ESPNL: variants seen among roughly 807,000 people sequenced by gnomAD.
ESPNL encodes the protein espin-like protein.
In ESPNL, 49 loss-of-function variants were observed where a neutral mutation model predicts 46.8. That is an observed-to-expected ratio of 1.05 (90% confidence interval 0.83 to 1.33). ESPNL has a LOEUF of 1.33. ESPNL is among the 40% of genes most tolerant of loss of function. The pLI is 0.00. For missense variants in ESPNL, 1,540 were observed against 1,436.6 expected (o/e 1.07, Z -1.16); for synonymous variants, 664 against 662.1 (o/e 1.00, Z -0.04).
intron 8 of ESPNL, among the ~76,000 whole-genome samples, chr2:238,129,792 C>T (rs1692240937): frequency 6.6e-6 from 1 of 152,280 alleles, no homozygotes; most frequent in South Asian, 2.1e-4. Flanking sequence ...CACCAGCCAC[C>T]TGTCGTTTCT....
At chr2:238,109,642 C>A (rs764089850) in intron 4 of ESPNL, among the ~76,000 whole-genome samples, 1 of 152,254 alleles carries the variant, frequency 6.6e-6, no homozygotes. Context: ...CAGGTGTGAG[C>A]CACTATGCCC....
In ESPNL at chr2:238,129,037, C is replaced by T. The variant is rs1048848546; in HGVS notation, c.1413+133C>T. On this transcript the variant is annotated intron_variant, in intron 8 of 8. Transcript: ENST00000343063. ...GGGCCCCTCTCCTCTGTGGCCTCAG[C>T]TGCTGCTTCCGCCGGAGGATGAAGT... 4 of 1,433,450 alleles carry T rather than the reference C, an allele frequency of 2.8e-6. No homozygotes were observed. The African/African-American group carries it at 5.7e-5, about 21-fold the overall frequency. The allele number at this position is 1,433,450 out of a possible 1,614,324, so 88.8% of individuals were successfully genotyped here.
chr2:238,116,099 C>T (rs1181234378), intron 4 of ESPNL, among the ~76,000 whole-genome samples: 1 of 152,240 alleles, frequency 6.6e-6, no homozygotes, highest in African/African-American at 2.4e-5. Context: ...TCGCCTAACT[C>T]GAGTTCGTTT....
rs1692200722 is a variant in ESPNL at position 238,128,733 on chromosome 2, C to T, written c.1242C>T (p.Asp414=). 1.9e-6 allele frequency: 3 copies of T among 1,601,944 alleles called. No homozygotes were observed. Among genetic ancestry groups the T allele is most frequent in the Admixed American group, 1.7e-5 (1 of 58,818 alleles). The change falls in exon 8 of 9, where the codon GAC becomes GAT. Residue 414 remains aspartate (D), a synonymous_variant. Transcript: ENST00000343063. ...GGACAGAGACGGCGCTGGCGGGGGACACCTCAGATGGCCTGGCCGCACTAC... is the reference window on the plus strand; with the variant it reads ...GGACAGAGACGGCGCTGGCGGGGGATACCTCAGATGGCCTGGCCGCACTAC... ...PEGTETALAG[D]TSDGLAALQL...
At position 238,111,041 on chromosome 2, in the gene ESPNL, C is replaced by G. The variant is rs192167080; in HGVS notation, c.855+3068C>G. ...GATCTCTGCTCACTGCAACCTCTGC[C>G]TCAGCCTCCTGAGTAGCTGGGATTA... On this transcript the variant is annotated intron_variant, in intron 4 of 8. Coordinates refer to ENST00000343063, the MANE Select transcript of ESPNL (RefSeq NM_194312.4). 3.3e-3 allele frequency among the ~76,000 whole-genome samples: 486 copies of G among 145,652 alleles called. 2 individuals carry two copies. The highest frequency in any genetic ancestry group is 0.011 in the African/African-American group (459 of 40,248).
intron 1 of ESPNL, among the ~76,000 whole-genome samples, chr2:238,101,652 G>A (rs1691480982): frequency 6.6e-6 from 1 of 152,208 alleles, no homozygotes; most frequent in Non-Finnish European, 1.5e-5. Context: ...GCACCCGACT[G>A]CGTGGGAAAG....
intron 3 of ESPNL, among the ~76,000 whole-genome samples, chr2:238,107,104 G>A (rs56364208): frequency 0.22 from 33,504 of 152,200 alleles, 4,647 homozygotes; most frequent in Non-Finnish European, 0.3. Context: ...AAGGCAGGCT[G>A]TCCTAGGAGA....
intron 3 of ESPNL, 106 bp from the exon 4 acceptor site, chr2:238,107,685 C>G (rs914678658): frequency 3.4e-6 from 4 of 1,173,222 alleles, no homozygotes; most frequent in African/African-American, 3.1e-5. Flanking sequence ...CCCTGTGCCC[C>G]GAGAGGTACA....
intron 1 of ESPNL, 22 bp downstream of exon 1, chr2:238,100,735 T>G: frequency 7.1e-7 from 1 of 1,404,542 alleles, no homozygotes; most frequent in Non-Finnish European, 9.2e-7. Flanking sequence ...TGGGGCAGCC[T>G]GGCTCCACGA....
chr2:238,111,316 C>T (rs537698716), intron 4 of ESPNL, among the ~76,000 whole-genome samples: 1 of 152,288 alleles, frequency 6.6e-6, no homozygotes, highest in Non-Finnish European at 1.5e-5. Flanking sequence ...AATTTACCAT[C>T]TTAGCCATTT....
chr2:238,130,820 GC>G lies in ESPNL; in HGVS notation c.2109del (p.Arg704GlyfsTer63). The G allele has an allele frequency of 6.5e-7, 1 of 1,545,708 alleles. No individual in the cohort carries two copies. Among genetic ancestry groups the G allele is most frequent in the Non-Finnish European group, 8.7e-7 (1 of 1,148,846 alleles). On this transcript the variant is annotated frameshift_variant, in exon 9 of 9. Transcript: ENST00000343063. LOFTEE classifies it low-confidence loss of function (END_TRUNC). ...CCCGCAGTGGCCTGGCTTCAGGGGA[GC>G]CCAGGCCTGGCGACACAGAGGAGGC... ...KPRSGLASGEPRPGDTEEASD... is the reference protein window; with the variant it reads ...KPRSGLASGEXRPGDTEEASD...
chr2:238,115,040 C>A (rs1382826368), intron 4 of ESPNL, among the ~76,000 whole-genome samples: 2 of 152,116 alleles, frequency 1.3e-5, no homozygotes, highest in African/African-American at 4.8e-5. Flanking sequence ...GCGGTTCTGG[C>A]GCTGGTCTTG....
chr2:238,129,058 G>A, intron 8 of ESPNL, 154 bp downstream of exon 8: 1 of 1,431,594 alleles, frequency 7.0e-7, no homozygotes, highest in South Asian at 1.5e-5. Flanking sequence ...GCCGGAGGAT[G>A]AAGTGAACCT....
intron 4 of ESPNL, among the ~76,000 whole-genome samples, chr2:238,110,055 C>T (rs1204226499): frequency 2.6e-5 from 4 of 151,146 alleles, no homozygotes; most frequent in Non-Finnish European, 5.9e-5. Flanking sequence ...CCCAGGATCC[C>T]ATTTAGGATG....
chr2:238,121,688 G>A (rs112655997), intron 5 of ESPNL, among the ~76,000 whole-genome samples: 4,580 of 152,336 alleles, frequency 0.03, 86 homozygotes, highest in Non-Finnish European at 0.044. Flanking sequence ...ATGATCCACC[G>A]TACCCGGCCC....
intron 5 of ESPNL, among the ~76,000 whole-genome samples, chr2:238,118,540 ATGGATGGAAGAGG>A (rs1241224632): frequency 9.6e-6 from 1 of 104,694 alleles, no homozygotes; most frequent in African/African-American, 4.1e-5. Context: ...TGGAGGAGGA[ATGGATGGAAGAGG>A]TGGATGGAGG....
intron 4 of ESPNL, among the ~76,000 whole-genome samples, chr2:238,111,478 T>C (rs1319442204): frequency 6.6e-6 from 1 of 152,208 alleles, no homozygotes; most frequent in African/African-American, 2.4e-5. Context: ...AGCAACATCC[T>C]ACTTTCTGTT....
chr2:238,117,040 G>T lies in ESPNL; in HGVS notation c.987+6G>T, dbSNP rs763590106. ...TGCGGGAGGTGGCCCAGCCGGTAAG[G>T]CTCAGGGTCCCCAGCTGCCCTGGAG... On this transcript the variant is annotated splice_donor_region_variant and intron_variant, in intron 5 of 8. Transcript: ENST00000343063. 6.2e-7 allele frequency: 1 copy of T among 1,606,526 alleles called. No homozygotes were observed. Among genetic ancestry groups the T allele is most frequent in the Non-Finnish European group, 8.5e-7 (1 of 1,177,214 alleles).
At chr2:238,106,681 T>G (rs1482085852) in intron 3 of ESPNL, among the ~76,000 whole-genome samples, 1 of 152,230 alleles carries the variant, frequency 6.6e-6, no homozygotes, top group Admixed American at 6.5e-5. Context: ...GAGCGGCGGC[T>G]GCACACAGTG....
Sources: gnomAD v4.1 joint callset for allele counts (sites outside exome capture counted in the v4.1 genomes callset) on GRCh38, gnomAD v4.1.1 for gene constraint, MANE v1.5 for transcripts, NCBI Gene and HGNC (gene_info 2026-07-23, HGNC 2026-07-21) for gene names.